Variants in EXTL3 observed in about 807,000 individuals in gnomAD.
EXTL3 encodes the protein exostosin-like 3.
EXTL3 carries 27 observed loss-of-function variants against 69.3 expected under a neutral mutation model. The ratio of observed to expected loss-of-function variants is 0.39; its 90% confidence interval spans 0.29 to 0.54. The LOEUF is 0.54. EXTL3 is among the 20% of genes least tolerant of loss of function. The probability of loss-of-function intolerance (pLI) is 0.69; values close to 1 mark genes in which losing one functional copy is unlikely to be tolerated. For synonymous variants in EXTL3, 511 were observed against 499.4 expected (o/e 1.02, Z -0.31); for missense variants, 1,003 against 1,231.8 (o/e 0.81, Z 2.78).
intron 6 of EXTL3, among the ~76,000 whole-genome samples, chr8:28,744,872 A>C (rs957650155): frequency 4.2e-4 from 63 of 151,774 alleles, no homozygotes; most frequent in African/African-American, 1.5e-3. Flanking sequence ...CTGAGGCAGG[A>C]GAATCGCTTG....
chr8:28,607,971 G>T (rs192024785), intron 2 of EXTL3, among the ~76,000 whole-genome samples: 15 of 151,990 alleles, frequency 9.9e-5, no homozygotes, highest in East Asian at 5.8e-4. Flanking sequence ...TTAGCCAGGC[G>T]TGGTGGTGGG....
intron 3 of EXTL3, among the ~76,000 whole-genome samples, chr8:28,722,141 G>A (rs1321178589): frequency 1.3e-5 from 2 of 152,176 alleles, no homozygotes; most frequent in African/African-American, 4.8e-5. Flanking sequence ...ATGGGGAATG[G>A]CAAGCACCAG....
At chr8:28,701,424 A>G (rs1800787140), upstream of EXTL3, 1 of 150,320 alleles carries the variant, frequency 6.7e-6, no homozygotes, top group Admixed American at 6.6e-5. Context: ...GAAAGTGGCG[A>G]GCGCGCGCCC....
At chr8:28,625,031 C>A (rs58109084) in intron 1 of EXTL3, among the ~76,000 whole-genome samples, 2 of 152,220 alleles carry the variant, frequency 1.3e-5, no homozygotes, top group Non-Finnish European at 2.9e-5. Context: ...CAAAAAGGCA[C>A]AGCTGGCATA....
In EXTL3 at chr8:28,751,434, C is replaced by T. The variant is rs935780875; in HGVS notation, c.*568C>T. On this transcript the variant is annotated 3_prime_UTR_variant, in exon 7 of 7. Transcript: ENST00000220562. ...CCTTAAAGATCATCTCCCATCCTCC[C>T]CAGCGCCATCTGTGTGCAGCAACCA... 1.9e-5 allele frequency: 3 copies of T among 155,194 alleles called. No homozygotes were observed. Among genetic ancestry groups the T allele is most frequent in the African/African-American group, 7.2e-5 (3 of 41,424 alleles). The allele number at this position is 155,194 out of a possible 1,614,324, so 9.6% of individuals were successfully genotyped here.
intron 5 of EXTL3, 69 bp downstream of exon 5, chr8:28,737,732 T>C (rs1393448244): frequency 2.0e-6 from 3 of 1,532,442 alleles, no homozygotes; most frequent in South Asian, 2.2e-5. Context: ...AGCGGAATGC[T>C]GCCCTCAGCT....
At chr8:28,664,884 C>T (rs1807170584) in intron 1 of EXTL3, among the ~76,000 whole-genome samples, 1 of 151,910 alleles carries the variant, frequency 6.6e-6, no homozygotes, top group Non-Finnish European at 1.5e-5. Flanking sequence ...ATGAGTTCCT[C>T]TTCAGCTCAG....
intron 1 of EXTL3, among the ~76,000 whole-genome samples, chr8:28,632,780 C>G (rs1295628019): frequency 6.6e-6 from 1 of 151,846 alleles, no homozygotes; most frequent in African/African-American, 2.4e-5. Flanking sequence ...TCTCGAACTC[C>G]TGACCTCAGG....
Position 28,716,814 on chromosome 8 carries a change from G to C in EXTL3, c.755G>C (p.Arg252Pro), listed in dbSNP as rs771658558. Residue 252 changes from arginine to proline, a missense_variant, in exon 3 of 7, where the codon CGG (arginine) becomes CCG (proline). This residue lies in a region of EXTL3 where 742 missense variants were observed against 815.4 expected (regional missense o/e 0.91). Transcript: ENST00000220562. This position sits in a 1 kb window ranked among gnomAD's most constrained non-coding sequence, Gnocchi z 7.1. The part of the protein sequence containing the change: ...VGEMQEPVVL[R>P]PAELEKQLYS... ...GAGATGCAGGAGCCGGTGGTGCTGC[G>C]GCCTGCTGAGCTGGAGAAGCAGTTG... The C allele has an allele frequency of 1.2e-6, 2 of 1,614,174 alleles. No homozygotes were observed. The highest frequency in any genetic ancestry group is 1.1e-5 in the South Asian group (1 of 91,084).
At chr8:28,659,455 T>G (rs1181016360) in intron 1 of EXTL3, among the ~76,000 whole-genome samples, 2 of 152,224 alleles carry the variant, frequency 1.3e-5, no homozygotes, top group Non-Finnish European at 2.9e-5. Flanking sequence ...CACGCCTGAT[T>G]AGAGTTCAGT....
At chr8:28,735,493 G>A (rs1801631927) in intron 4 of EXTL3, among the ~76,000 whole-genome samples, 1 of 152,188 alleles carries the variant, frequency 6.6e-6, no homozygotes, top group South Asian at 2.1e-4. Context: ...GCCTTTTAAT[G>A]TGTCTCTTAA....
chr8:28,620,213 C>G (rs1806393206), upstream of EXTL3, among the ~76,000 whole-genome samples: 1 of 152,094 alleles, frequency 6.6e-6, no homozygotes, highest in Non-Finnish European at 1.5e-5. Flanking sequence ...AAGAAAAAAA[C>G]TGATCCCACA....
At chr8:28,706,231 A>T (rs1230596173) in intron 1 of EXTL3, among the ~76,000 whole-genome samples, 1 of 152,242 alleles carries the variant, frequency 6.6e-6, no homozygotes, top group Non-Finnish European at 1.5e-5. Context: ...CCTAAAATAT[A>T]TTCCTAGAAA....
intron 3 of EXTL3, among the ~76,000 whole-genome samples, chr8:28,721,333 CT>C (rs1364650967): frequency 6.6e-6 from 1 of 152,218 alleles, no homozygotes; most frequent in Non-Finnish European, 1.5e-5. Flanking sequence ...CTACGCAGAA[CT>C]TGGAGCTCCC....
At chr8:28,710,099 C>T (rs1424434819) in intron 1 of EXTL3, among the ~76,000 whole-genome samples, 1 of 151,788 alleles carries the variant, frequency 6.6e-6, no homozygotes, top group African/African-American at 2.4e-5. Context: ...TCTCTGTATA[C>T]AACTATTTTA....
chr8:28,708,728 T>A (rs1800971715), intron 1 of EXTL3, among the ~76,000 whole-genome samples: 1 of 152,192 alleles, frequency 6.6e-6, no homozygotes, highest in Admixed American at 6.5e-5. Flanking sequence ...GACAGCAGCA[T>A]GCAGACAGCT....
At chr8:28,654,278 A>C (rs1806971301) in intron 1 of EXTL3, among the ~76,000 whole-genome samples, 1 of 152,244 alleles carries the variant, frequency 6.6e-6, no homozygotes, top group Non-Finnish European at 1.5e-5. Context: ...AACAAGGTGA[A>C]AAAGAAACTT....
At chr8:28,616,847 A>C (rs1178297151) in intron 2 of EXTL3, among the ~76,000 whole-genome samples, 4 of 152,184 alleles carry the variant, frequency 2.6e-5, no homozygotes, top group Non-Finnish European at 5.9e-5. Context: ...CTTGGAACGC[A>C]TTGCCTCGGA....
At chr8:28,661,148 C>T (rs1010207728) in intron 1 of EXTL3, among the ~76,000 whole-genome samples, 4 of 151,776 alleles carry the variant, frequency 2.6e-5, no homozygotes, top group African/African-American at 4.8e-5. Context: ...CTCCTGACTT[C>T]GTGATCCGCC....
Sources: gnomAD v4.1 joint callset for allele counts (sites outside exome capture counted in the v4.1 genomes callset) on GRCh38, gnomAD v4.1.1 for gene constraint, gnomAD v4.1.1 regional missense constraint, Gnocchi (gnomAD v3.1) non-coding constraint, MANE v1.5 for transcripts, NCBI Gene and HGNC (gene_info 2026-07-23, HGNC 2026-07-21) for gene names.